PIWIL1: variants seen among roughly 807,000 people sequenced by gnomAD.
PIWIL1 encodes the protein piwi like RNA-mediated gene silencing 1.
PIWIL1 carries 73 observed loss-of-function variants against 114.4 expected under a neutral mutation model. The observed-to-expected ratio is 0.64, with a 90% CI of 0.53 to 0.78. The LOEUF is 0.78. Ranked by LOEUF, PIWIL1 falls within the 30% of genes least tolerant of loss-of-function variation. PIWIL1 has a pLI of 0.00. For missense variants in PIWIL1, 723 were observed against 1,063.1 expected (o/e 0.68, Z 4.45); for synonymous variants, 375 against 369.0 (o/e 1.02, Z -0.19).
chr12:130,373,526 AT>A (rs2073844188), downstream of PIWIL1, among the ~76,000 whole-genome samples: 1 of 152,156 alleles, frequency 6.6e-6, no homozygotes, highest in South Asian at 2.1e-4. Context: ...AAAAAAGGGT[AT>A]TGCTTGGTTT....
At chr12:130,403,442 ATCT>A in the PIWIL1 span, among the ~76,000 whole-genome samples, 2 of 152,240 alleles carry the variant, frequency 1.3e-5, no homozygotes, top group Non-Finnish European at 2.9e-5. Flanking sequence ...AATTAGAAAA[ATCT>A]TCTTAAATTC....
At chr12:130,395,088 C>T in the PIWIL1 span, among the ~76,000 whole-genome samples, 1 of 152,080 alleles carries the variant, frequency 6.6e-6, no homozygotes, top group African/African-American at 2.4e-5. Flanking sequence ...GCAGCCACTT[C>T]CTTAGAAGCA....
intron 12 of PIWIL1, 56 bp from the exon 13 acceptor site, chr12:130,356,862 G>A: frequency 8.0e-7 from 1 of 1,257,858 alleles, no homozygotes; most frequent in Non-Finnish European, 1.1e-6. Flanking sequence ...AGACTGTTTG[G>A]CTTGATCACT....
At chr12:130,389,303 C>G in the PIWIL1 span, among the ~76,000 whole-genome samples, 1 of 151,956 alleles carries the variant, frequency 6.6e-6, no homozygotes, top group Non-Finnish European at 1.5e-5. Context: ...GTATACACTT[C>G]TCTTAAAATG....
chr12:130,416,271 G>A, the PIWIL1 span, among the ~76,000 whole-genome samples: 1 of 152,130 alleles, frequency 6.6e-6, no homozygotes, highest in East Asian at 1.9e-4. Context: ...AGCCGAAGTG[G>A]TCTTAAGCAA....
In PIWIL1 at chr12:130,347,080, A is replaced by G; in HGVS notation, c.653+18A>G. 6.4e-7 allele frequency: 1 copy of G among 1,562,240 alleles called. No homozygotes were observed. Among genetic ancestry groups the G allele is most frequent in the South Asian group, 1.2e-5 (1 of 86,872 alleles). On this transcript the variant is annotated intron_variant, in intron 6 of 20. Coordinates refer to ENST00000245255, the MANE Select transcript of PIWIL1 (RefSeq NM_004764.5). ...TTCAGGAGGTATGTGTTTTATTTCA[A>G]CATTTTATTAAGAAAACAGCAAAGT... is the stretch of plus-strand genomic sequence containing the variant.
the PIWIL1 span, chr12:130,414,360 G>A: frequency 1.2e-3 from 1,824 of 1,496,930 alleles, 8 homozygotes; most frequent in South Asian, 3.5e-3. Flanking sequence ...ACTGAGGAGC[G>A]TGCACGGGAA....
rs1208049539 is a variant in PIWIL1 at position 130,362,760 on chromosome 12, G to A, written c.1971-6G>A. 1 of 1,613,344 alleles carries A rather than the reference G, an allele frequency of 6.2e-7. No homozygotes were observed. The highest frequency in any genetic ancestry group is 1.3e-5 in the African/African-American group (1 of 74,918). On this transcript the variant is annotated splice_polypyrimidine_tract_variant and splice_region_variant and intron_variant, in intron 16 of 20. Coordinates refer to ENST00000245255, the MANE Select transcript of PIWIL1 (RefSeq NM_004764.5). ...TCTTATTCTAGCTGTGTTTTTCTCT[G>A]AATAGCTGGTTCTCACGCTGCATAT...
intron 8 of PIWIL1, 138 bp downstream of exon 8, chr12:130,349,574 G>C (rs11060838): frequency 0.17 from 106,994 of 644,098 alleles, 9,680 homozygotes; most frequent in African/African-American, 0.25. Flanking sequence ...GTATTTTTCA[G>C]CTTTCCCAGG....
At chr12:130,376,415 C>G (rs1189427515), downstream of PIWIL1, among the ~76,000 whole-genome samples, 2 of 152,200 alleles carry the variant, frequency 1.3e-5, no homozygotes, top group Non-Finnish European at 2.9e-5. Context: ...GAAAAGTGAC[C>G]TCTCAGTATC....
chr12:130,409,332 C>CTTTTTTTTTT, the PIWIL1 span, among the ~76,000 whole-genome samples: 2 of 65,402 alleles, frequency 3.1e-5, no homozygotes, highest in East Asian at 1.0e-3. Context: ...CAAAATGTAG[C>CTTTTTTTTTT]TTTTTTTTTT....
At chr12:130,418,782 T>C in the PIWIL1 span, among the ~76,000 whole-genome samples, 1 of 152,158 alleles carries the variant, frequency 6.6e-6, no homozygotes, top group East Asian at 1.9e-4. Flanking sequence ...AGTAGGTGGC[T>C]TATACTCAAG....
At chr12:130,343,247 G>A in intron 3 of PIWIL1, 146 bp downstream of exon 3, 1 of 581,620 alleles carries the variant, frequency 1.7e-6, no homozygotes, top group South Asian at 2.4e-5. Flanking sequence ...CAAATCAATT[G>A]TGGAAAATAC....
chr12:130,393,332 CCA>C, the PIWIL1 span, among the ~76,000 whole-genome samples: 8 of 150,852 alleles, frequency 5.3e-5, no homozygotes, highest in African/African-American at 7.3e-5. Flanking sequence ...GACCCGGTCA[CCA>C]TCATCACGTG....
At chr12:130,399,025 C>CCCCACAA in the PIWIL1 span, 1 of 546,680 alleles carries the variant, frequency 1.8e-6, no homozygotes, top group Non-Finnish European at 3.0e-6. Flanking sequence ...TTTTTTTTAA[C>CCCCACAA]CCCACAATGA....
the PIWIL1 span, among the ~76,000 whole-genome samples, chr12:130,410,857 C>T: frequency 2.0e-5 from 3 of 152,144 alleles, no homozygotes; most frequent in African/African-American, 7.2e-5. Context: ...TTTGCCTCTC[C>T]ATATACATTT....
the PIWIL1 span, among the ~76,000 whole-genome samples, chr12:130,401,695 C>G: frequency 6.6e-6 from 1 of 151,936 alleles, no homozygotes; most frequent in African/African-American, 2.4e-5. Context: ...GTGCCCCTGG[C>G]GATTTCTTCC....
downstream of PIWIL1, among the ~76,000 whole-genome samples, chr12:130,374,346 C>G (rs1446726739): frequency 1.3e-5 from 2 of 152,170 alleles, no homozygotes; most frequent in African/African-American, 2.4e-5. Context: ...TAAGTAAAAG[C>G]TTAAAGTTTG....
At chr12:130,391,708 G>A in the PIWIL1 span, among the ~76,000 whole-genome samples, 1 of 152,162 alleles carries the variant, frequency 6.6e-6, no homozygotes, top group Non-Finnish European at 1.5e-5. Context: ...GGTAGATGAG[G>A]CCAAGCCAGC....
Sources: allele counts gnomAD v4.1 joint callset (sites outside exome capture counted in the v4.1 genomes callset), GRCh38; gene constraint gnomAD v4.1.1; transcripts MANE v1.5; gene names NCBI Gene and HGNC (gene_info 2026-07-23, HGNC 2026-07-21).